The following MAP3K3 variants were observed in gnomAD, a reference collection of about 807,000 sequenced individuals.
MAP3K3 encodes the protein mitogen-activated protein kinase kinase kinase 3.
A neutral mutation model predicts 80.9 loss-of-function variants in MAP3K3; 12 were observed. The ratio of observed to expected loss-of-function variants is 0.15; its 90% CI spans 0.10 to 0.24. The LOEUF is 0.24. MAP3K3 is among the 10% of genes least tolerant of loss of function. MAP3K3 has a pLI of 1.00. For missense variants in MAP3K3, 596 were observed against 834.7 expected (o/e 0.71, Z 3.52); for synonymous variants, 272 against 307.1 (o/e 0.89, Z 1.19).
At chr17:63,635,174 C>G (rs942979840) in intron 2 of MAP3K3, among the ~76,000 whole-genome samples, 4 of 152,186 alleles carry the variant, frequency 2.6e-5, no homozygotes, top group African/African-American at 9.6e-5. Context: ...TATTGGACAG[C>G]ATGACTTTAT....
intron 2 of MAP3K3, chr17:63,634,628 T>C (rs2034283666): frequency 8.7e-7 from 1 of 1,149,264 alleles, no homozygotes; most frequent in African/African-American, 1.5e-5. Context: ...GATCTTTGGA[T>C]CCATGATTTA....
At chr17:63,631,785 A>G (rs6504169) in intron 1 of MAP3K3, among the ~76,000 whole-genome samples, 41,513 of 152,132 alleles carry the variant, frequency 0.27, 5,987 homozygotes, top group Middle Eastern at 0.37. Flanking sequence ...AGGAAAAACA[A>G]TAGAACTACC....
intron 1 of MAP3K3, among the ~76,000 whole-genome samples, chr17:63,630,887 T>C (rs1269514252): frequency 6.6e-6 from 1 of 152,300 alleles, no homozygotes; most frequent in African/African-American, 2.4e-5. Context: ...TTTACTTTCC[T>C]GAACAAGCAA....
At chr17:63,687,093 C>T (rs959254694) in intron 8 of MAP3K3, among the ~76,000 whole-genome samples, 2 of 152,096 alleles carry the variant, frequency 1.3e-5, no homozygotes, top group Admixed American at 6.6e-5. Flanking sequence ...CCTTGAGGCA[C>T]CGTGGCTCAC....
intron 1 of MAP3K3, among the ~76,000 whole-genome samples, chr17:63,625,418 T>C (rs2034080761): frequency 6.6e-6 from 1 of 152,254 alleles, no homozygotes; most frequent in Non-Finnish European, 1.5e-5. Flanking sequence ...TACCTGAGAT[T>C]GTTTATGTGG....
At chr17:63,665,559 T>A (rs1207668103) in intron 5 of MAP3K3, among the ~76,000 whole-genome samples, 1 of 152,190 alleles carries the variant, frequency 6.6e-6, no homozygotes, top group African/African-American at 2.4e-5. Flanking sequence ...CCACTATGTG[T>A]AAGGCCCTGC....
intron 5 of MAP3K3, among the ~76,000 whole-genome samples, chr17:63,665,177 G>A (rs2034975319): frequency 6.6e-6 from 1 of 152,020 alleles, no homozygotes; most frequent in Non-Finnish European, 1.5e-5. Context: ...GGTGGCACAT[G>A]CCTGTAATCC....
At chr17:63,685,993 T>C (rs1019358108) in intron 8 of MAP3K3, among the ~76,000 whole-genome samples, 3 of 152,078 alleles carry the variant, frequency 2.0e-5, no homozygotes, top group Non-Finnish European at 4.4e-5. Flanking sequence ...TTTGGTGGAG[T>C]AAGAAACTGA....
At chr17:63,685,143 G>A (rs537041232) in intron 7 of MAP3K3, among the ~76,000 whole-genome samples, 7 of 152,270 alleles carry the variant, frequency 4.6e-5, no homozygotes, top group Non-Finnish European at 7.4e-5. Flanking sequence ...ATAAATTATG[G>A]AGTGTAAACA....
chr17:63,638,623 T>C (rs1005411505), intron 2 of MAP3K3, among the ~76,000 whole-genome samples: 3 of 152,188 alleles, frequency 2.0e-5, no homozygotes, highest in Non-Finnish European at 4.4e-5. Flanking sequence ...TCTCACCGGA[T>C]TGCCTGTGGT....
chr17:63,665,518 C>G (rs1236242812), intron 5 of MAP3K3, among the ~76,000 whole-genome samples: 1 of 152,146 alleles, frequency 6.6e-6, no homozygotes, highest in East Asian at 1.9e-4. Context: ...GTACACATTT[C>G]AAATTCATGT....
intron 8 of MAP3K3, among the ~76,000 whole-genome samples, chr17:63,685,990 G>A (rs187562368): frequency 8.9e-4 from 135 of 152,232 alleles, no homozygotes; most frequent in African/African-American, 2.9e-3. Flanking sequence ...GTTTTTGGTG[G>A]AGTAAGAAAC....
At chr17:63,660,193 C>T (rs142020574) in intron 5 of MAP3K3, among the ~76,000 whole-genome samples, 2 of 152,100 alleles carry the variant, frequency 1.3e-5, no homozygotes, top group East Asian at 3.9e-4. Context: ...TTGTTACCAC[C>T]TATTCCTTTA....
At position 63,681,775 on chromosome 17, in the gene MAP3K3, A is replaced by G; in HGVS notation, c.512A>G (p.Asn171Ser). The part of the protein sequence containing the change: ...RSRHLSVSSQ[N>S]PGRSSPPPGY... ...CCTTTATGTGCTCTAGGCTCCCAGAACCCTGGCCGAAGCTCACCTCCCCCT... is the reference window on the plus strand; with the variant it reads ...CCTTTATGTGCTCTAGGCTCCCAGAGCCCTGGCCGAAGCTCACCTCCCCCT... Residue 171 changes from asparagine (N) to serine (S), a missense_variant, in exon 7 of 16, where the codon AAC becomes AGC. Asn to Ser is a conservative substitution (Grantham distance 46, BLOSUM62 1). This residue lies in a region of MAP3K3 where 232 missense variants were observed against 245.8 expected (regional missense o/e 0.94). Transcript: ENST00000361733. The G allele has an allele frequency of 3.3e-6, 5 of 1,505,640 alleles. No homozygotes were observed. The highest frequency in any genetic ancestry group is 4.5e-6 in the Non-Finnish European group (5 of 1,121,430). The allele number at this position is 1,505,640 out of a possible 1,614,324, so 93.3% of individuals were successfully genotyped here. A position where few individuals can be genotyped will look rare whatever the true frequency, so the allele number is the denominator to read the frequency against.
At chr17:63,634,092 G>A (rs550370436) in intron 2 of MAP3K3, among the ~76,000 whole-genome samples, 1 of 152,252 alleles carries the variant, frequency 6.6e-6, no homozygotes, top group African/African-American at 2.4e-5. Flanking sequence ...AGTACTGGAG[G>A]TATAAACAGA....
At chr17:63,624,109 G>T (rs572251785) in intron 1 of MAP3K3, among the ~76,000 whole-genome samples, 11 of 152,296 alleles carry the variant, frequency 7.2e-5, no homozygotes, top group Non-Finnish European at 1.2e-4. Flanking sequence ...CTGAGGGAAG[G>T]TCTGCTGTGA....
chr17:63,646,400 T>C (rs1700180899), intron 3 of MAP3K3, among the ~76,000 whole-genome samples: 1 of 152,220 alleles, frequency 6.6e-6, no homozygotes, highest in Non-Finnish European at 1.5e-5. Flanking sequence ...ACTGACACTG[T>C]GTCACCTGTG....
intron 4 of MAP3K3, among the ~76,000 whole-genome samples, chr17:63,656,378 A>C (rs370846676): frequency 1.3e-5 from 2 of 151,970 alleles, no homozygotes; most frequent in Non-Finnish European, 2.9e-5. Context: ...TGAGGTGGGC[A>C]GATTACTTGA....
At position 63,667,051 on chromosome 17, in the gene MAP3K3, C is replaced by G; in HGVS notation, c.493C>G (p.Leu165Val). Residue 165 changes from leucine to valine, a missense_variant, in exon 6 of 16, where the codon CTC (leucine) becomes GTC (valine). This residue lies in a region of MAP3K3 where 232 missense variants were observed against 245.8 expected (regional missense o/e 0.94). Transcript: ENST00000361733. ...GCCCCCCGAGCCCAGAAGCAGGCAC[C>G]TCTCTGTCAGTGAGTATTTCAACCC... ...YQPPEPRSRH[L>V]SVSSQNPGRS... The G allele has an allele frequency of 6.2e-7, 1 of 1,605,068 alleles. No homozygotes were observed. The highest frequency in any genetic ancestry group is 8.5e-7 in the Non-Finnish European group (1 of 1,177,726).
Sources: gnomAD v4.1 joint callset for allele counts (sites outside exome capture counted in the v4.1 genomes callset) on GRCh38, gnomAD v4.1.1 for gene constraint, gnomAD v4.1.1 regional missense constraint, MANE v1.5 for transcripts, NCBI Gene and HGNC (gene_info 2026-07-23, HGNC 2026-07-21) for gene names.